Variants in RBFOX1 observed in about 807,000 individuals in gnomAD.
RBFOX1 encodes RNA binding protein fox-1 homolog 1.
A neutral mutation model predicts 57.7 loss-of-function variants in RBFOX1; 8 were observed. That is an observed-to-expected ratio of 0.14 (90% CI 0.08 to 0.25). RBFOX1 has a LOEUF of 0.25. Ranked by LOEUF, RBFOX1 falls within the 10% of genes least tolerant of loss-of-function variation. The pLI is 1.00. For missense variants in RBFOX1, 611 were observed against 548.5 expected, an observed-to-expected ratio of 1.11 and a Z score of -1.14; for synonymous variants, 326 against 222.4, an observed-to-expected ratio of 1.47 and a Z score of -4.15.
At chr16:5,915,634 C>G (rs568571521) in intron 4 of RBFOX1, among the ~76,000 whole-genome samples, 2 of 152,220 alleles carry the variant, frequency 1.3e-5, no homozygotes, top group East Asian at 3.9e-4. Context: ...GAGTTTGAGA[C>G]CAGCCTGGCC....
In RBFOX1 at chr16:5,983,930, T is replaced by TCCTCCTCCC. The variant is rs1312068823; in HGVS notation, c.351+116603_351+116604insCCCTCCTCC. ...CTCCTCCTCTTCCTCCTCCTCCCCC[T>TCCTCCTCCC]CCTCCTCCTCCTCTTCCTCCTCTTC... On this transcript the variant is annotated intron_variant, in intron 4 of 19. Coordinates refer to the RBFOX1 transcript ENST00000641259. Among the ~76,000 whole-genome samples, 60 of 114,182 alleles carry TCCTCCTCCC rather than the reference T, an allele frequency of 5.3e-4. 1 individual carries two copies. The highest frequency in any genetic ancestry group is 1.8e-3 in the African/African-American group (55 of 30,266). The allele number at this position is 114,182 out of a possible 152,430, so 74.9% of individuals were successfully genotyped here.
Position 6,632,301 on chromosome 16 carries a change from C to A in RBFOX1, c.-63-22302C>A, listed in dbSNP as rs376936878. On this transcript the variant is annotated intron_variant, in intron 2 of 15. Transcript: ENST00000550418. ...AACAAGGTCAAAACATCTGTGAAAC[C>A]TTGCACCAGTTGTAATAAAGATAGC... is the stretch of plus-strand genomic sequence containing the variant. 1.5e-4 allele frequency among the ~76,000 whole-genome samples: 22 copies of A among 151,718 alleles called. No individual in the cohort carries two copies. The East Asian group carries it at 1.8e-3, about 12-fold the overall frequency.
chr16:5,475,531 G>T (rs541786474), intron 2 of RBFOX1, among the ~76,000 whole-genome samples: 1 of 152,364 alleles, frequency 6.6e-6, no homozygotes, highest in South Asian at 2.1e-4. Context: ...GACCTTCAGA[G>T]CCAGCTAAAT....
At chr16:7,217,235 G>A (rs1337269437) in intron 4 of RBFOX1, among the ~76,000 whole-genome samples, 3 of 150,548 alleles carry the variant, frequency 2.0e-5, no homozygotes, top group Admixed American at 6.6e-5. Flanking sequence ...AGGAGTAGCT[G>A]GGACTACAGG....
intron 4 of RBFOX1, among the ~76,000 whole-genome samples, chr16:6,002,614 A>G (rs969812329): frequency 2.0e-5 from 3 of 152,158 alleles, no homozygotes; most frequent in African/African-American, 4.8e-5. Context: ...AATCACTAAG[A>G]TCTCTGTCAC....
intron 4 of RBFOX1, among the ~76,000 whole-genome samples, chr16:7,491,058 C>G (rs190514134): frequency 2.0e-5 from 3 of 152,198 alleles, no homozygotes. Context: ...AAGAGACAAC[C>G]AAATGGCTCA....
At chr16:6,312,826 T>C (rs1420128290) in intron 1 of RBFOX1, among the ~76,000 whole-genome samples, 1 of 152,020 alleles carries the variant, frequency 6.6e-6, no homozygotes, top group Non-Finnish European at 1.5e-5. Context: ...ATGTCTGCCA[T>C]ATCCATAGCA....
intron 3 of RBFOX1, among the ~76,000 whole-genome samples, chr16:6,769,989 G>C (rs1217398006): frequency 6.6e-6 from 1 of 152,132 alleles, no homozygotes; most frequent in East Asian, 1.9e-4. Context: ...TCCTTTATGA[G>C]ATGGCTATTT....
At chr16:7,458,086 A>G (rs1488023466) in intron 4 of RBFOX1, among the ~76,000 whole-genome samples, 1 of 152,186 alleles carries the variant, frequency 6.6e-6, no homozygotes, top group African/African-American at 2.4e-5. Flanking sequence ...CTTCCAAATC[A>G]GAACAAAGCT....
chr16:5,537,682 G>A (rs549442358), intron 2 of RBFOX1, among the ~76,000 whole-genome samples: 1 of 152,300 alleles, frequency 6.6e-6, no homozygotes, highest in East Asian at 1.9e-4. Context: ...CATCTTCAAA[G>A]CCAATGATGG....
intron 2 of RBFOX1, among the ~76,000 whole-genome samples, chr16:6,372,362 G>A (rs747306501): frequency 3.3e-5 from 5 of 151,552 alleles, no homozygotes; most frequent in Non-Finnish European, 5.9e-5. Context: ...CGGATGGAAG[G>A]ATGGTTGGTT....
intron 4 of RBFOX1, among the ~76,000 whole-genome samples, chr16:7,291,516 A>C (rs1379589780): frequency 2.0e-5 from 3 of 152,238 alleles, no homozygotes; most frequent in Non-Finnish European, 4.4e-5. Flanking sequence ...TTGACTATTC[A>C]GAGCAGCAAA....
intron 2 of RBFOX1, among the ~76,000 whole-genome samples, chr16:5,513,948 T>A (rs994413498): frequency 2.6e-5 from 4 of 152,188 alleles, no homozygotes; most frequent in African/African-American, 9.7e-5. Context: ...ATGAAATGAA[T>A]TTCATGATGA....
intron 2 of RBFOX1, among the ~76,000 whole-genome samples, chr16:6,589,953 A>G (rs993346376): frequency 6.6e-5 from 10 of 152,278 alleles, no homozygotes; most frequent in Non-Finnish European, 1.3e-4. Flanking sequence ...TGAAGAAAAG[A>G]ATCAATAATG....
intron 3 of RBFOX1, among the ~76,000 whole-genome samples, chr16:6,892,561 T>A (rs573804512): frequency 5.9e-5 from 9 of 152,120 alleles, no homozygotes; most frequent in Non-Finnish European, 1.3e-4. Context: ...TCTCTGCTAC[T>A]CAGGAGCCTG....
At chr16:6,307,279 A>G (rs2079625143) in intron 1 of RBFOX1, among the ~76,000 whole-genome samples, 1 of 152,118 alleles carries the variant, frequency 6.6e-6, no homozygotes, top group African/African-American at 2.4e-5. Flanking sequence ...GCCGGGCAGG[A>G]GGCTGAGGCA....
rs11860978 is a variant in RBFOX1 at position 6,776,849 on chromosome 16, G to A, written c.-16+122199G>A. ...TGCTTTGCTGTTTTATTTTTTCTTC[G>A]TAGCATTGTGAAATGAACATGGCAT... On this transcript the variant is annotated intron_variant, in intron 3 of 15. Coordinates refer to ENST00000550418, the MANE Select transcript of RBFOX1 (RefSeq NM_018723.4). 7.2e-5 allele frequency among the ~76,000 whole-genome samples: 11 copies of A among 152,244 alleles called. No individual in the cohort carries two copies. In the East Asian group the frequency reaches 2.1e-3, roughly 29 times the overall value.
At chr16:5,886,239 G>T (rs117298446) in intron 4 of RBFOX1, among the ~76,000 whole-genome samples, 3,053 of 152,164 alleles carry the variant, frequency 0.02, 61 homozygotes, top group South Asian at 0.069. Context: ...GACTAATACC[G>T]TTACCTTGGA....
chr16:5,836,811 A>G (rs1008792173), intron 3 of RBFOX1, among the ~76,000 whole-genome samples: 1 of 152,182 alleles, frequency 6.6e-6, no homozygotes, highest in African/African-American at 2.4e-5. Flanking sequence ...AGTTGCCTGA[A>G]GGGGAGAAGC....
Sources: allele counts gnomAD v4.1 joint callset (sites outside exome capture counted in the v4.1 genomes callset), GRCh38; gene constraint gnomAD v4.1.1; transcripts MANE v1.5; gene names NCBI Gene and HGNC (gene_info 2026-07-23, HGNC 2026-07-21).